Variants in SLC1A3 observed in about 807,000 individuals in gnomAD.
The protein encoded by SLC1A3 is excitatory amino acid transporter 1.
SLC1A3 carries 21 observed loss-of-function variants against 48.1 expected under a neutral mutation model. That is an observed-to-expected ratio of 0.44 (90% CI 0.31 to 0.63). The LOEUF (loss-of-function observed/expected upper bound fraction) is 0.63, where lower values mean the gene tolerates loss of function less well. SLC1A3 is among the 20% of genes least tolerant of loss of function. The pLI, the probability that SLC1A3 is intolerant of heterozygous loss-of-function variation, is 0.08. For synonymous variants in SLC1A3, 239 were observed against 251.4 expected (o/e 0.95, Z 0.47); for missense variants, 546 against 689.0 (o/e 0.79, Z 2.32).
chr5:36,651,825 T>C (rs1401472552), intron 3 of SLC1A3, among the ~76,000 whole-genome samples: 3 of 152,252 alleles, frequency 2.0e-5, no homozygotes, highest in Non-Finnish European at 4.4e-5. Context: ...AGTTATTTTA[T>C]AAAGTGTTGT....
At chr5:36,599,683 A>G (rs1312951064) in intron 1 of SLC1A3, among the ~76,000 whole-genome samples, 1 of 110,026 alleles carries the variant, frequency 9.1e-6, no homozygotes, top group Admixed American at 1.0e-4. Flanking sequence ...TAATTTTTGT[A>G]TTTTTAGTAG....
chr5:36,677,283 A>C, intron 6 of SLC1A3, 99 bp downstream of exon 6: 2 of 999,690 alleles, frequency 2.0e-6, no homozygotes, highest in Admixed American at 3.8e-5. Context: ...AGGATGGCCA[A>C]TTGCAGTTAT....
intron 9 of SLC1A3, among the ~76,000 whole-genome samples, chr5:36,684,248 C>T (rs1176775118): frequency 1.3e-5 from 2 of 152,230 alleles, no homozygotes; most frequent in South Asian, 2.1e-4. Flanking sequence ...CTCCATAAAG[C>T]CATTCAGGAA....
At chr5:36,676,723 A>C (rs891059014) in intron 5 of SLC1A3, among the ~76,000 whole-genome samples, 169 bp from the exon 6 acceptor site, 4 of 152,058 alleles carry the variant, frequency 2.6e-5, no homozygotes, top group Non-Finnish European at 1.5e-5. Context: ...TTGAGAAACT[A>C]GTAGGGGTTT....
chr5:36,683,782 C>T (rs1334085986), intron 8 of SLC1A3, 82 bp from the exon 9 acceptor site: 10 of 1,467,350 alleles, frequency 6.8e-6, no homozygotes, highest in Middle Eastern at 1.8e-4. Flanking sequence ...CAGGCATCGG[C>T]ACCGTGCGTA....
At chr5:36,673,814 G>A (rs1048108584) in intron 4 of SLC1A3, among the ~76,000 whole-genome samples, 3 of 152,124 alleles carry the variant, frequency 2.0e-5, no homozygotes, top group Non-Finnish European at 4.4e-5. Flanking sequence ...GAACCCCATT[G>A]GCTGACAAGA....
rs1561236715 is a variant in SLC1A3 at position 36,610,496 on chromosome 5, T to C, written c.181+1892T>C. 2.0e-5 allele frequency among the ~76,000 whole-genome samples: 3 copies of C among 152,342 alleles called. No homozygotes were observed. The East Asian group carries it at 5.8e-4, about 29-fold the overall frequency. On this transcript the variant is annotated intron_variant, in intron 2 of 9. Coordinates refer to ENST00000265113, the MANE Select transcript of SLC1A3 (RefSeq NM_004172.5). ...GGAGAAACACCATTCAAAATGGTGT[T>C]GTAAACACCAGAAGAGTGGAATTTC...
At chr5:36,633,683 G>A (rs1331589982) in intron 3 of SLC1A3, among the ~76,000 whole-genome samples, 1 of 152,122 alleles carries the variant, frequency 6.6e-6, no homozygotes, top group Non-Finnish European at 1.5e-5. Context: ...CAACAAGAAA[G>A]TGACAAGCTG....
At chr5:36,643,628 G>A (rs1740708099) in intron 3 of SLC1A3, among the ~76,000 whole-genome samples, 1 of 152,090 alleles carries the variant, frequency 6.6e-6, no homozygotes, top group South Asian at 2.1e-4. Context: ...TCATAGCTAT[G>A]GTCCTCCTTG....
rs1460326458 is a variant in SLC1A3, at chr5:36,660,644, C to G, written c.320-10385C>G. Among the ~76,000 whole-genome samples, 3 of 152,310 alleles carry G rather than the reference C, an allele frequency of 2.0e-5. No homozygotes were observed. The East Asian group carries it at 5.8e-4, about 29-fold the overall frequency. On this transcript the variant is annotated intron_variant, in intron 3 of 9. Coordinates refer to ENST00000265113, the MANE Select transcript of SLC1A3 (RefSeq NM_004172.5). ...AGCCGACCAATTCTAGAGTTTACTCCGACAGTGTTTTCACTCTATGCAGTA... is the reference window on the plus strand; with the variant it reads ...AGCCGACCAATTCTAGAGTTTACTCGGACAGTGTTTTCACTCTATGCAGTA...
chr5:36,614,588 A>AG (rs1739354540), intron 2 of SLC1A3, among the ~76,000 whole-genome samples: 3 of 152,270 alleles, frequency 2.0e-5, no homozygotes, highest in South Asian at 2.1e-4. Flanking sequence ...TACTTAGTGG[A>AG]GGGGGCGCCT....
chr5:36,617,415 C>CTTTTTTTTT (rs34710652), intron 2 of SLC1A3, among the ~76,000 whole-genome samples: 1 of 57,686 alleles, frequency 1.7e-5, no homozygotes, highest in East Asian at 5.8e-4. Flanking sequence ...AGGTTGCGGG[C>CTTTTTTTTT]TTTTTTTTTT....
intron 3 of SLC1A3, among the ~76,000 whole-genome samples, chr5:36,645,829 G>T (rs925790745): frequency 6.6e-6 from 1 of 152,160 alleles, no homozygotes; most frequent in Non-Finnish European, 1.5e-5. Flanking sequence ...TGGAGAGTTA[G>T]GGTTAATGTT....
chr5:36,635,120 G>A (rs924544783), intron 3 of SLC1A3, among the ~76,000 whole-genome samples: 1 of 151,394 alleles, frequency 6.6e-6, no homozygotes, highest in South Asian at 2.1e-4. Flanking sequence ...ACAAGAAAAG[G>A]AGCTGTAGAT....
At chr5:36,624,971 G>T (rs1443599605) in intron 2 of SLC1A3, among the ~76,000 whole-genome samples, 4 of 152,168 alleles carry the variant, frequency 2.6e-5, no homozygotes, top group African/African-American at 9.7e-5. Context: ...AGATGCTAAA[G>T]ACCCAGGAAC....
intron 4 of SLC1A3, among the ~76,000 whole-genome samples, chr5:36,672,507 G>C (rs1742038536): frequency 6.6e-6 from 1 of 152,192 alleles, no homozygotes; most frequent in Non-Finnish European, 1.5e-5. Context: ...TACCTGCAGA[G>C]TGATTGGGCT....
chr5:36,646,879 G>T (rs1041926668), intron 3 of SLC1A3, among the ~76,000 whole-genome samples: 2 of 152,164 alleles, frequency 1.3e-5, no homozygotes, highest in Non-Finnish European at 2.9e-5. Flanking sequence ...CATTTTTGCA[G>T]GTGTAAGTCA....
rs569301114 is a variant in SLC1A3 at position 36,686,389 on chromosome 5, A to G, written c.*120A>G. 1.1e-5 allele frequency: 9 copies of G among 835,454 alleles called. No homozygotes were observed. Among genetic ancestry groups the G allele is most frequent in the African/African-American group, 3.4e-5 (2 of 59,618 alleles). 51.8% of individuals were successfully genotyped at this position (835,454 alleles called of 1,614,324 possible). A position where few individuals can be genotyped will look rare whatever the true frequency, so the allele number is the denominator to read the frequency against. ...GTCATCTTCCCTTTCCTCCCTTCTG[A>G]TAAGACTGGAAAATAGTCCTCCAAA... On this transcript the variant is annotated 3_prime_UTR_variant, in exon 10 of 10. Transcript: ENST00000265113.
chr5:36,673,006 T>A (rs1372683122), intron 4 of SLC1A3, among the ~76,000 whole-genome samples: 1 of 152,196 alleles, frequency 6.6e-6, no homozygotes, highest in Non-Finnish European at 1.5e-5. Context: ...CAGAAGACTG[T>A]GTTTCTGCCC....
Sources: gnomAD v4.1 joint callset for allele counts (sites outside exome capture counted in the v4.1 genomes callset) on GRCh38, gnomAD v4.1.1 for gene constraint, MANE v1.5 for transcripts, NCBI Gene and HGNC (gene_info 2026-07-23, HGNC 2026-07-21) for gene names.